The following DERA variants were observed in gnomAD, a reference collection of about 807,000 sequenced individuals.
DERA encodes 2-deoxy-D-ribose 5-phosphate aldolase.
Under a neutral mutation model 41.1 loss-of-function variants are expected in DERA, and 15 were observed. That is an observed-to-expected ratio of 0.37 (90% CI 0.24 to 0.56). The LOEUF (loss-of-function observed/expected upper bound fraction) is 0.56. Ranked by LOEUF, DERA falls within the 20% of genes least tolerant of loss-of-function variation. The probability of loss-of-function intolerance (pLI) is 0.81; values close to 1 mark genes in which losing one functional copy is unlikely to be tolerated. For synonymous variants in DERA, 139 were observed against 137.4 expected, an observed-to-expected ratio of 1.01 and a Z score of -0.08; for missense variants, 396 against 403.4, an observed-to-expected ratio of 0.98 and a Z score of 0.16.
chr12:15,972,517 C>T lies in DERA; in HGVS notation c.508+9570C>T, dbSNP rs1290105424. 1.9e-5 allele frequency: 3 copies of T among 154,146 alleles called. No homozygotes were observed. The highest frequency in any genetic ancestry group is 4.8e-5 in the African/African-American group (2 of 41,488). 9.5% of individuals were successfully genotyped at this position (154,146 alleles called of 1,614,324 possible). On this transcript the variant is annotated intron_variant, in intron 5 of 8. Coordinates refer to ENST00000428559, the MANE Select transcript of DERA (RefSeq NM_015954.4). This position sits in a 1 kb window ranked among gnomAD's most constrained non-coding sequence, Gnocchi z 4.4. ...CCACCTCCTTGCCCAGGAAGTTTTGCGGGTAGCAGAAGCTGACTTCCCGCA... is the reference window on the plus strand; with the variant it reads ...CCACCTCCTTGCCCAGGAAGTTTTGTGGGTAGCAGAAGCTGACTTCCCGCA...
At chr12:16,016,183 C>G (rs924683120) in intron 6 of DERA, among the ~76,000 whole-genome samples, 10 of 152,154 alleles carry the variant, frequency 6.6e-5, no homozygotes, top group Non-Finnish European at 1.5e-4. Flanking sequence ...TTTACTCTGG[C>G]CAGTGCTTCA....
At chr12:16,023,395 C>A (rs1427648424) in intron 6 of DERA, among the ~76,000 whole-genome samples, 2 of 151,280 alleles carry the variant, frequency 1.3e-5, no homozygotes, top group Non-Finnish European at 2.9e-5. Context: ...TGTTTTTGTT[C>A]ATGTTACCCA....
intron 5 of DERA, among the ~76,000 whole-genome samples, chr12:15,977,039 A>G (rs1395670274): frequency 2.0e-5 from 3 of 152,216 alleles, no homozygotes; most frequent in Non-Finnish European, 4.4e-5. Context: ...AGAGCAATTT[A>G]GAGATCATTT....
chr12:15,922,761 T>C lies in DERA; in HGVS notation c.31+11347T>C, dbSNP rs1948253044. Among the ~76,000 whole-genome samples, 1 of 152,196 alleles carries C rather than the reference T, an allele frequency of 6.6e-6. No individual in the cohort carries two copies. Among genetic ancestry groups the C allele is most frequent in the African/African-American group, 2.4e-5 (1 of 41,436 alleles). On this transcript the variant is annotated intron_variant, in intron 1 of 8. Coordinates refer to ENST00000428559, the MANE Select transcript of DERA (RefSeq NM_015954.4). The surrounding 1 kb of genome is among the most constrained non-coding windows in gnomAD (Gnocchi z 4.9). ...CCAGGCACTTTAGTTGTAGACCTGA[T>C]AGCATCTAGCTGTGGAACCTTGCGG...
rs529384645 is a variant in DERA, at chr12:15,980,961, T to G, written c.509-1347T>G. Among the ~76,000 whole-genome samples, 2 of 152,328 alleles carry G rather than the reference T, an allele frequency of 1.3e-5. 1 individual carries two copies. The highest frequency in any genetic ancestry group is 4.1e-4 in the South Asian group (2 of 4,822). Reference sequence around the variant, plus strand: ...AATGTACTTTACTAAGCCTGTGAATTATAGAACTCTCATTTTAGCTTTAAG... The same window carrying G: ...AATGTACTTTACTAAGCCTGTGAATGATAGAACTCTCATTTTAGCTTTAAG... On this transcript the variant is annotated intron_variant, in intron 5 of 8. Coordinates refer to ENST00000428559, the MANE Select transcript of DERA (RefSeq NM_015954.4).
At chr12:15,979,220 C>G (rs1948717497) in intron 5 of DERA, among the ~76,000 whole-genome samples, 1 of 152,176 alleles carries the variant, frequency 6.6e-6, no homozygotes, top group African/African-American at 2.4e-5. Context: ...GGAAAAAAAG[C>G]AGGACCATGA....
intron 1 of DERA, among the ~76,000 whole-genome samples, chr12:15,942,267 T>C (rs1041245181): frequency 6.6e-6 from 1 of 152,224 alleles, no homozygotes; most frequent in Admixed American, 6.5e-5. Flanking sequence ...ATGCTATTCT[T>C]TTGTCGGATG....
At chr12:15,979,353 C>T (rs1490870100) in intron 5 of DERA, among the ~76,000 whole-genome samples, 1 of 152,196 alleles carries the variant, frequency 6.6e-6, no homozygotes, top group African/African-American at 2.4e-5. Context: ...TGGCTGGCCC[C>T]TGGGACACTG....
rs1948797655 is a variant in DERA, at chr12:15,990,879, C to T, written c.637+8443C>T. Among the ~76,000 whole-genome samples, 1 of 152,056 alleles carries T rather than the reference C, an allele frequency of 6.6e-6. No individual in the cohort carries two copies. The highest frequency in any genetic ancestry group is 6.6e-5 in the Admixed American group (1 of 15,262). On this transcript the variant is annotated intron_variant, in intron 6 of 8. Coordinates refer to ENST00000428559, the MANE Select transcript of DERA (RefSeq NM_015954.4). The surrounding 1 kb of genome is among the most constrained non-coding windows in gnomAD (Gnocchi z 4.3). ...TCATTGATGGACATTTACATTGATT[C>T]CATGTCTTTGCTGTTGTGAGTATTG... is the stretch of plus-strand genomic sequence containing the variant.
chr12:16,016,154 G>A (rs1592051700), intron 6 of DERA, among the ~76,000 whole-genome samples: 1 of 152,230 alleles, frequency 6.6e-6, no homozygotes, highest in East Asian at 1.9e-4. Context: ...TATCTCTAAA[G>A]GGGCTTTCTG....
rs922690161 is a variant in DERA at position 15,984,089 on chromosome 12, A to G, written c.637+1653A>G. Among the ~76,000 whole-genome samples the G allele has an allele frequency of 5.3e-5, 8 of 152,176 alleles. No individual in the cohort carries two copies. The highest frequency in any genetic ancestry group is 1.9e-4 in the African/African-American group (8 of 41,456). On this transcript the variant is annotated intron_variant, in intron 6 of 8. Transcript: ENST00000428559. This position sits in a 1 kb window ranked among gnomAD's most constrained non-coding sequence, Gnocchi z 4.5. ...TAACAAAGTAAAAGTTTGGAAACGA[A>G]TAACAGCAGCCACTTATAGGACATA...
At position 15,992,471 on chromosome 12, in the gene DERA, AC is replaced by A. The variant is rs1405867267; in HGVS notation, c.637+10037del. ...GAGATGGATCTGGAGGCAAGGAAGA[AC>A]CAGGGAGAACTTTTTGCTTTGGTTT... On this transcript the variant is annotated intron_variant, in intron 6 of 8. Coordinates refer to ENST00000428559, the MANE Select transcript of DERA (RefSeq NM_015954.4). This position sits in a 1 kb window ranked among gnomAD's most constrained non-coding sequence, Gnocchi z 4.3. Among the ~76,000 whole-genome samples, 2 of 152,176 alleles carry A rather than the reference AC, an allele frequency of 1.3e-5. No individual in the cohort carries two copies. Among genetic ancestry groups the A allele is most frequent in the Non-Finnish European group, 2.9e-5 (2 of 68,004 alleles).
Position 16,001,394 on chromosome 12 carries a change from TC to T in DERA, c.637+18960del, listed in dbSNP as rs996383785. Among the ~76,000 whole-genome samples the T allele has an allele frequency of 6.6e-6, 1 of 152,214 alleles. No homozygotes were observed. Among genetic ancestry groups the T allele is most frequent in the Non-Finnish European group, 1.5e-5 (1 of 68,036 alleles). On this transcript the variant is annotated intron_variant, in intron 6 of 8. Transcript: ENST00000428559. The surrounding 1 kb of genome is among the most constrained non-coding windows in gnomAD (Gnocchi z 4.1). ...TCCACTGGCTGTTTTCTTTGGTTGT[TC>T]CTTCAGGGCTAGAGTGGAAAAGTTC... is the stretch of plus-strand genomic sequence containing the variant.
At chr12:15,933,941 A>G (rs1457163767) in intron 1 of DERA, among the ~76,000 whole-genome samples, 1 of 152,146 alleles carries the variant, frequency 6.6e-6, no homozygotes, top group Non-Finnish European at 1.5e-5. Context: ...CAGGCCACGT[A>G]AGCTGGTTCT....
At chr12:16,029,787 A>G (rs1221241067) in intron 6 of DERA, among the ~76,000 whole-genome samples, 3 of 152,006 alleles carry the variant, frequency 2.0e-5, no homozygotes, top group African/African-American at 7.3e-5. Flanking sequence ...TTGCTCTCCC[A>G]AATATATTAG....
At chr12:15,956,598 T>C (rs1021318059) in intron 1 of DERA, 2 of 380,234 alleles carry the variant, frequency 5.3e-6, no homozygotes, top group East Asian at 1.4e-4. Flanking sequence ...AGAGGTGAGG[T>C]ACGTGGCATG....
Position 15,966,111 on chromosome 12 carries a change from G to A in DERA, c.508+3164G>A, listed in dbSNP as rs7969219. 6.6e-6 allele frequency among the ~76,000 whole-genome samples: 1 copy of A among 152,062 alleles called. No homozygotes were observed. Among genetic ancestry groups the A allele is most frequent in the Non-Finnish European group, 1.5e-5 (1 of 68,026 alleles). On this transcript the variant is annotated intron_variant, in intron 5 of 8. Coordinates refer to ENST00000428559, the MANE Select transcript of DERA (RefSeq NM_015954.4). This position sits in a 1 kb window ranked among gnomAD's most constrained non-coding sequence, Gnocchi z 5.1. ...AAATTCTGAAAAGAAGGCCCGATGC[G>A]GTGGCTCACACCTGTAATCCCAGCA...
At chr12:16,029,382 G>A (rs994421372) in intron 6 of DERA, among the ~76,000 whole-genome samples, 1 of 152,060 alleles carries the variant, frequency 6.6e-6, no homozygotes, top group Non-Finnish European at 1.5e-5. Flanking sequence ...AGCCGAGATC[G>A]CGCCACTGCA....
chr12:16,034,067 A>G (rs557424392), intron 7 of DERA, among the ~76,000 whole-genome samples: 1 of 152,370 alleles, frequency 6.6e-6, no homozygotes, highest in South Asian at 2.1e-4. Context: ...GCCAAAGAAT[A>G]TCAAAACCAA....
Sources: allele counts gnomAD v4.1 joint callset (sites outside exome capture counted in the v4.1 genomes callset), GRCh38; gene constraint gnomAD v4.1.1; non-coding constraint Gnocchi (gnomAD v3.1); transcripts MANE v1.5; gene names NCBI Gene and HGNC (gene_info 2026-07-23, HGNC 2026-07-21).